WIPI2: variants seen among roughly 807,000 people sequenced by gnomAD.
WIPI2 encodes WD repeat domain phosphoinositide-interacting protein 2.
In WIPI2, 28 loss-of-function variants were observed where a neutral mutation model predicts 52.3. The observed-to-expected ratio is 0.54, with a 90% CI of 0.40 to 0.73. WIPI2 has a LOEUF of 0.73. Among genes scored for constraint, WIPI2 ranks in the 30% least tolerant of loss-of-function variants. WIPI2 has a pLI of 0.00. For synonymous variants in WIPI2, 268 were observed against 245.0 expected (o/e 1.09, Z -0.88); for missense variants, 506 against 602.9 (o/e 0.84, Z 1.68).
intron 7 of WIPI2, chr7:5,219,045 G>A (rs1373974817): frequency 6.6e-6 from 1 of 152,082 alleles, no homozygotes; most frequent in African/African-American, 2.4e-5. Context: ...TTCCTGCCTG[G>A]GCCTTTGTTC....
At chr7:5,229,055 A>G (rs552056938) in intron 11 of WIPI2, among the ~76,000 whole-genome samples, 469 of 149,660 alleles carry the variant, frequency 3.1e-3, no homozygotes, top group Middle Eastern at 7.4e-3. Flanking sequence ...TCACTCTGTC[A>G]CCCAGGCTGG....
At chr7:5,222,786 T>G in intron 8 of WIPI2, 114 bp downstream of exon 8, 14 of 1,060,688 alleles carry the variant, frequency 1.3e-5, no homozygotes, top group African/African-American at 3.2e-5. Flanking sequence ...CGAGCATTTC[T>G]AGCCCGGCTG....
In WIPI2 at chr7:5,207,258, A is replaced by AC. The variant is rs1424675928; in HGVS notation, c.212-7274dup. Among the ~76,000 whole-genome samples, 3 of 152,232 alleles carry AC rather than the reference A, an allele frequency of 2.0e-5. No homozygotes were observed. In the East Asian group the frequency reaches 5.8e-4, roughly 29 times the overall value. ...AATGCCTGCATCTCTGTGAACTGAA[A>AC]CCCTATCAAGGTTTACCATCACTCC... is the stretch of plus-strand genomic sequence containing the variant. On this transcript the variant is annotated intron_variant, in intron 3 of 12. Transcript: ENST00000288828.
At chr7:5,205,296 AAT>A (rs1782241098) in intron 3 of WIPI2, among the ~76,000 whole-genome samples, 1 of 152,124 alleles carries the variant, frequency 6.6e-6, no homozygotes, top group Admixed American at 6.5e-5. Context: ...AGTCTTAAGT[AAT>A]GACAAAAATA....
chr7:5,217,773 A>G (rs1583576424), intron 6 of WIPI2, 149 bp from the exon 7 acceptor site: 1 of 737,638 alleles, frequency 1.4e-6, no homozygotes, highest in East Asian at 2.5e-5. Flanking sequence ...TTGGATGCCC[A>G]GCCCCAGTAA....
rs1182983552 is a variant in WIPI2 at position 5,227,794 on chromosome 7, C to T, written c.1014-310C>T. Among the ~76,000 whole-genome samples the T allele has an allele frequency of 1.3e-5, 2 of 152,164 alleles. No individual in the cohort carries two copies. Among genetic ancestry groups the T allele is most frequent in the African/African-American group, 4.8e-5 (2 of 41,444 alleles). On this transcript the variant is annotated intron_variant, in intron 10 of 12. Coordinates refer to ENST00000288828, the MANE Select transcript of WIPI2 (RefSeq NM_015610.4). The surrounding 1 kb of genome is among the most constrained non-coding windows in gnomAD (Gnocchi z 8.1). The stretch of plus-strand genomic sequence containing the variant: ...CTTTGGGCTTCCGTGCGTCTTTAAA[C>T]ATCATTTTCCAGTTTTGTTATCTGA...
At position 5,227,627 on chromosome 7, in the gene WIPI2, C is replaced by A. The variant is rs1322878566; in HGVS notation, c.1013+283C>A. On this transcript the variant is annotated intron_variant, in intron 10 of 12. Coordinates refer to ENST00000288828, the MANE Select transcript of WIPI2 (RefSeq NM_015610.4). The surrounding 1 kb of genome is among the most constrained non-coding windows in gnomAD (Gnocchi z 8.1). ...ACCTCGTGAGTGTGCCGTAGTTAAC[C>A]CTTTGGGGCCACAGAAACCGCACTT... is the stretch of plus-strand genomic sequence containing the variant. Among the ~76,000 whole-genome samples the A allele has an allele frequency of 6.6e-6, 1 of 152,124 alleles. No individual in the cohort carries two copies. The highest frequency in any genetic ancestry group is 1.5e-5 in the Non-Finnish European group (1 of 68,034).
At chr7:5,205,871 G>T in intron 3 of WIPI2, among the ~76,000 whole-genome samples, 1 of 107,784 alleles carries the variant, frequency 9.3e-6, no homozygotes, top group African/African-American at 3.6e-5. Flanking sequence ...ATGCAGTCAT[G>T]TGCTGCCACT....
intron 3 of WIPI2, 30 bp downstream of exon 3, chr7:5,199,688 TAAAAA>T: frequency 2.3e-6 from 3 of 1,308,374 alleles, no homozygotes; most frequent in Non-Finnish European, 3.1e-6. Context: ...TTCCCCTTCT[TAAAAA>T]AAAAAAAAAA....
intron 3 of WIPI2, among the ~76,000 whole-genome samples, chr7:5,206,393 TTGGA>T (rs1437413476): frequency 1.2e-4 from 19 of 152,218 alleles, no homozygotes; most frequent in African/African-American, 4.6e-4. Context: ...TTAATATTTG[TTGGA>T]TTAGGTGTTG....
intron 5 of WIPI2, 23 bp downstream of exon 5, chr7:5,216,682 A>C (rs1348549110): frequency 3.1e-6 from 5 of 1,610,296 alleles, no homozygotes; most frequent in Non-Finnish European, 3.4e-6. Context: ...GTGAGGAGAG[A>C]ATCCCATTTT....
intron 3 of WIPI2, among the ~76,000 whole-genome samples, chr7:5,201,253 T>G (rs1195688047): frequency 6.6e-6 from 1 of 152,232 alleles, no homozygotes; most frequent in African/African-American, 2.4e-5. Context: ...AAATTGTTGC[T>G]GGAGTCACTG....
rs138840107 is a variant in WIPI2 at position 5,193,159 on chromosome 7, G to A, written c.116G>A (p.Arg39His). The A allele has an allele frequency of 5.4e-5, 87 of 1,613,534 alleles. No individual in the cohort carries two copies. Among genetic ancestry groups the A allele is most frequent in the East Asian group, 6.7e-5 (3 of 44,894 alleles). The change falls in exon 2 of 13, where the codon CGC becomes CAC. Residue 39 changes from arginine to histidine, a missense_variant. Transcript: ENST00000288828. ...GASRAAGLGR[R>H]AVVWSLAVGS... ...TCAAGAGCAGCTGGTCTTGGCCGTC[G>A]CGCTGTTGTCTGGTTAGTTCCAACC...
In WIPI2 at chr7:5,232,149, G is replaced by C. The variant is rs116669559; in HGVS notation, c.*1202G>C. The C allele has an allele frequency of 2.5e-6, 1 of 398,972 alleles. No homozygotes were observed. The highest frequency in any genetic ancestry group is 4.4e-6 in the Non-Finnish European group (1 of 226,092). 24.7% of individuals were successfully genotyped at this position (398,972 alleles called of 1,614,324 possible). A position where few individuals can be genotyped will look rare whatever the true frequency, so the allele number is the denominator to read the frequency against. ...CATTTAAGTGGCATTAATGGCAGGA[G>C]AGATGGTTTTAGAATCTATGGAGTG... On this transcript the variant is annotated 3_prime_UTR_variant, in exon 13 of 13. Transcript: ENST00000288828.
rs577897918 is a variant in WIPI2, at chr7:5,228,089, C to T, written c.1014-15C>T. 34 of 1,613,430 alleles carry T rather than the reference C, an allele frequency of 2.1e-5. No homozygotes were observed. In the African/African-American group the frequency reaches 2.4e-4, roughly 11 times the overall value. On this transcript the variant is annotated splice_polypyrimidine_tract_variant and intron_variant, in intron 10 of 12. Coordinates refer to ENST00000288828, the MANE Select transcript of WIPI2 (RefSeq NM_015610.4). ...GACAGTTGTCTAGAATTTGGCTGCT[C>T]TTTATTCTCCCTAGAATTCAGAAGA...
intron 3 of WIPI2, among the ~76,000 whole-genome samples, chr7:5,210,000 C>A (rs1236156633): frequency 6.6e-6 from 1 of 152,148 alleles, no homozygotes; most frequent in Admixed American, 6.5e-5. Context: ...CTCCGTCTCT[C>A]AGGTTCAACT....
intron 3 of WIPI2, chr7:5,214,168 A>G (rs1782698501): frequency 1.1e-6 from 1 of 891,196 alleles, no homozygotes; most frequent in Non-Finnish European, 1.5e-6. Context: ...AAGCAATTGC[A>G]GTTTCGTAGT....
intron 3 of WIPI2, among the ~76,000 whole-genome samples, chr7:5,202,480 C>T (rs1352426931): frequency 1.3e-5 from 2 of 152,104 alleles, no homozygotes; most frequent in African/African-American, 4.8e-5. Context: ...ACCTCCTGGG[C>T]TCAAGCGATC....
intron 5 of WIPI2, 126 bp downstream of exon 5, chr7:5,216,785 C>A: frequency 1.1e-6 from 1 of 921,874 alleles, no homozygotes; most frequent in Non-Finnish European, 1.6e-6. Context: ...AGTATTGATC[C>A]CAAACCAAGC....
Sources: allele counts gnomAD v4.1 joint callset (sites outside exome capture counted in the v4.1 genomes callset), GRCh38; gene constraint gnomAD v4.1.1; non-coding constraint Gnocchi (gnomAD v3.1); transcripts MANE v1.5; gene names NCBI Gene and HGNC (gene_info 2026-07-23, HGNC 2026-07-21).